Variants in FRMD4B observed in about 807,000 individuals in gnomAD.
FRMD4B encodes FERM domain containing 4B.
In FRMD4B, 74 loss-of-function variants were observed where a neutral mutation model predicts 141.5. The ratio of observed to expected loss-of-function variants is 0.52; its 90% CI spans 0.43 to 0.63. FRMD4B has a LOEUF of 0.63. Among genes scored for constraint, FRMD4B ranks in the 30% least tolerant of loss-of-function variants. FRMD4B has a pLI of 0.00. For missense variants in FRMD4B, 1,366 were observed against 1,253.4 expected (o/e 1.09, Z -1.36); for synonymous variants, 506 against 467.9 (o/e 1.08, Z -1.05).
At chr3:69,445,500 T>C (rs1018821010) in intron 1 of FRMD4B, among the ~76,000 whole-genome samples, 1 of 152,192 alleles carries the variant, frequency 6.6e-6, no homozygotes, top group African/African-American at 2.4e-5. Context: ...TTAAACCCCC[T>C]GCTTAAAACT....
At chr3:69,417,022 G>A (rs1704879130) in intron 2 of FRMD4B, among the ~76,000 whole-genome samples, 1 of 152,192 alleles carries the variant, frequency 6.6e-6, no homozygotes, top group African/African-American at 2.4e-5. Context: ...ATGTGTGCAT[G>A]TGTCTTTATA....
At chr3:69,471,567 C>T (rs1055599477) in intron 1 of FRMD4B, 39 of 238,918 alleles carry the variant, frequency 1.6e-4, no homozygotes, top group African/African-American at 8.2e-4. Context: ...CAAGATATCT[C>T]AAACTTAATT....
intron 1 of FRMD4B, among the ~76,000 whole-genome samples, chr3:69,336,065 A>C (rs1702538625): frequency 6.6e-6 from 1 of 151,026 alleles, no homozygotes; most frequent in African/African-American, 2.4e-5. Flanking sequence ...GTAATACCTA[A>C]GATTTTCTTT....
chr3:69,517,021 A>T (rs1423000346), intron 1 of FRMD4B, among the ~76,000 whole-genome samples: 1 of 151,978 alleles, frequency 6.6e-6, no homozygotes, highest in Non-Finnish European at 1.5e-5. Context: ...TTAACCCATT[A>T]TTTGGGGGCC....
intron 1 of FRMD4B, among the ~76,000 whole-genome samples, chr3:69,448,049 A>C (rs1176981681): frequency 6.8e-6 from 1 of 146,812 alleles, no homozygotes; most frequent in South Asian, 2.1e-4. Flanking sequence ...TCGTTTTTTC[A>C]GACAGAGTCT....
intron 2 of FRMD4B, among the ~76,000 whole-genome samples, chr3:69,430,473 A>C (rs970453986): frequency 3.3e-5 from 5 of 152,128 alleles, no homozygotes; most frequent in African/African-American, 1.2e-4. Context: ...ACTGTTGTAA[A>C]GATGTTGTCT....
At chr3:69,185,704 T>C (rs1246837167) in intron 19 of FRMD4B, among the ~76,000 whole-genome samples, 3 of 152,164 alleles carry the variant, frequency 2.0e-5, no homozygotes, top group African/African-American at 7.2e-5. Context: ...AGTTCATTAA[T>C]AAATTACATA....
intron 1 of FRMD4B, among the ~76,000 whole-genome samples, chr3:69,540,856 C>T (rs1488965135): frequency 6.6e-6 from 1 of 151,806 alleles, no homozygotes; most frequent in Admixed American, 6.6e-5. Flanking sequence ...CTTAACCTCT[C>T]TCAAGGGCTA....
chr3:69,473,436 A>G (rs1419167349), intron 1 of FRMD4B, among the ~76,000 whole-genome samples: 1 of 152,196 alleles, frequency 6.6e-6, no homozygotes, highest in Non-Finnish European at 1.5e-5. Context: ...TTGGCAATGC[A>G]GCACGTATCT....
intron 3 of FRMD4B, 79 bp downstream of exon 3, chr3:69,311,184 C>T: frequency 1.5e-6 from 1 of 654,852 alleles, no homozygotes; most frequent in Non-Finnish European, 2.7e-6. Flanking sequence ...GACTTATTTC[C>T]TTTTTTGTTA....
chr3:69,233,829 C>T (rs965923238), intron 7 of FRMD4B, among the ~76,000 whole-genome samples: 1 of 152,154 alleles, frequency 6.6e-6, no homozygotes, highest in Non-Finnish European at 1.5e-5. Context: ...TCTAGTGTTG[C>T]CTTGTATAGG....
At chr3:69,459,208 A>C (rs181330369) in intron 1 of FRMD4B, among the ~76,000 whole-genome samples, 20 of 152,312 alleles carry the variant, frequency 1.3e-4, no homozygotes, top group Non-Finnish European at 2.8e-4. Flanking sequence ...AATACTTCAA[A>C]CATTTCAGTA....
intron 7 of FRMD4B, among the ~76,000 whole-genome samples, chr3:69,231,847 G>A (rs185425797): frequency 1.5e-4 from 23 of 152,294 alleles, no homozygotes; most frequent in African/African-American, 4.6e-4. Flanking sequence ...AAGCTCGATC[G>A]TTTCCATAGT....
At chr3:69,210,676 T>A (rs946637443) in intron 11 of FRMD4B, among the ~76,000 whole-genome samples, 2 of 152,114 alleles carry the variant, frequency 1.3e-5, no homozygotes, top group Admixed American at 6.5e-5. Flanking sequence ...GCTTAATGAA[T>A]TAGGAGGTGA....
At chr3:69,476,995 GCTCT>G in intron 1 of FRMD4B, among the ~76,000 whole-genome samples, 2 of 152,036 alleles carry the variant, frequency 1.3e-5, no homozygotes, top group African/African-American at 2.4e-5. Flanking sequence ...TCATGATTTG[GCTCT>G]CTGTTTGTCT....
At chr3:69,451,212 A>G (rs1705493178) in intron 1 of FRMD4B, among the ~76,000 whole-genome samples, 1 of 137,566 alleles carries the variant, frequency 7.3e-6, no homozygotes, top group East Asian at 2.1e-4. Flanking sequence ...TAAAGTAGGG[A>G]TGGTTTTTGA....
chr3:69,253,520 T>C (rs1199981612), intron 5 of FRMD4B, among the ~76,000 whole-genome samples: 1 of 152,264 alleles, frequency 6.6e-6, no homozygotes, highest in East Asian at 1.9e-4. Context: ...TCTTCCCATA[T>C]GGATCAGTAC....
At chr3:69,501,674 T>C (rs1706499833) in intron 1 of FRMD4B, among the ~76,000 whole-genome samples, 1 of 152,148 alleles carries the variant, frequency 6.6e-6, no homozygotes, top group African/African-American at 2.4e-5. Context: ...TTGGAAGTCC[T>C]GGCCAGGGAA....
chr3:69,462,973 C>T (rs1268044950), intron 1 of FRMD4B, among the ~76,000 whole-genome samples: 1 of 152,236 alleles, frequency 6.6e-6, no homozygotes, highest in Non-Finnish European at 1.5e-5. Flanking sequence ...CCTCCTTGCC[C>T]TCCCTGCTCA....
Sources: gnomAD v4.1 joint callset for allele counts (sites outside exome capture counted in the v4.1 genomes callset) on GRCh38, gnomAD v4.1.1 for gene constraint, MANE v1.5 for transcripts, NCBI Gene and HGNC (gene_info 2026-07-23, HGNC 2026-07-21) for gene names.